Variants in COL6A5 observed in about 807,000 individuals in gnomAD.
COL6A5 encodes the protein collagen type VI alpha 5 chain, also known as collagen alpha-5(VI) chain.
In COL6A5, 48 loss-of-function variants were observed where a neutral mutation model predicts 65.6. The ratio of observed to expected loss-of-function variants is 0.73; its 90% CI spans 0.58 to 0.93. COL6A5 has a LOEUF of 0.93. Ranked by LOEUF, COL6A5 falls within the 40% of genes least tolerant of loss-of-function variation. COL6A5 has a pLI of 0.00. For missense variants in COL6A5, 914 were observed against 928.3 expected (o/e 0.98, Z 0.20); for synonymous variants, 291 against 322.8 (o/e 0.90, Z 1.05).
intron 1 of COL6A5, among the ~76,000 whole-genome samples, chr3:130,356,624 T>G (rs1301709197): frequency 1.3e-5 from 2 of 152,112 alleles, no homozygotes; most frequent in Admixed American, 1.3e-4. Context: ...ACAGACTACA[T>G]TCTCTAACCA....
At chr3:130,399,370 CTTTT>C (rs34407199) in intron 10 of COL6A5, among the ~76,000 whole-genome samples, 1 of 130,450 alleles carries the variant, frequency 7.7e-6, no homozygotes, top group Non-Finnish European at 1.6e-5. Flanking sequence ...TCATTTCTTT[CTTTT>C]TTTTTTTTTT....
chr3:130,406,338 C>T lies in COL6A5; in HGVS notation c.4479+17C>T. 4 of 1,534,414 alleles carry T rather than the reference C, an allele frequency of 2.6e-6. No homozygotes were observed. Among genetic ancestry groups the T allele is most frequent in the Non-Finnish European group, 1.8e-6 (2 of 1,131,880 alleles). On this transcript the variant is annotated intron_variant and NMD_transcript_variant, in intron 17 of 41. Transcript: ENST00000312481. ...GGATCTCAGGTAACACTTTTCTTTT[C>T]AATACTTCAAAGAAGGAGAATTTGG...
chr3:130,372,331 G>A (rs1421790810), intron 1 of COL6A5, among the ~76,000 whole-genome samples: 1 of 151,970 alleles, frequency 6.6e-6, no homozygotes, highest in Non-Finnish European at 1.5e-5. Context: ...CCAGATAAAT[G>A]AAAATATATA....
intron 7 of COL6A5, among the ~76,000 whole-genome samples, chr3:130,393,726 A>C (rs968502862): frequency 6.6e-6 from 1 of 152,230 alleles, no homozygotes; most frequent in Non-Finnish European, 1.5e-5. Context: ...CTCCAAACCT[A>C]GCAGAGAGCT....
chr3:130,424,986 G>C (rs1048250203), intron 29 of COL6A5, among the ~76,000 whole-genome samples: 2 of 152,030 alleles, frequency 1.3e-5, no homozygotes, highest in African/African-American at 4.8e-5. Flanking sequence ...TTATTTAAGG[G>C]CTCGCTCTTT....
At chr3:130,406,773 C>G (rs1176751218) in intron 17 of COL6A5, among the ~76,000 whole-genome samples, 1 of 152,092 alleles carries the variant, frequency 6.6e-6, no homozygotes, top group African/African-American at 2.4e-5. Flanking sequence ...TTTCAACACT[C>G]ATTAGTGTGT....
chr3:130,425,923 AG>A, intron 29 of COL6A5, among the ~76,000 whole-genome samples: 1 of 152,328 alleles, frequency 6.6e-6, no homozygotes, highest in Non-Finnish European at 1.5e-5. Flanking sequence ...CTTTAGTAAA[AG>A]TATCTTTAAG....
intron 1 of COL6A5, among the ~76,000 whole-genome samples, chr3:130,357,647 T>C (rs1645935052): frequency 6.6e-6 from 1 of 152,194 alleles, no homozygotes; most frequent in South Asian, 2.1e-4. Context: ...AGTCATTCAA[T>C]ATTAATAACT....
chr3:130,395,277 T>A, exon 8 of COL6A5: 1 of 1,551,646 alleles, frequency 6.4e-7, no homozygotes, highest in Non-Finnish European at 8.7e-7. Flanking sequence ...GCAGATGCAG[T>A]AAAAACCCTG....
chr3:130,392,570 TC>T (rs1478513293), intron 7 of COL6A5, among the ~76,000 whole-genome samples: 2 of 152,202 alleles, frequency 1.3e-5, no homozygotes, highest in African/African-American at 4.8e-5. Context: ...CTCTCAAATT[TC>T]CTTTCTTCTT....
chr3:130,391,576 A>T (rs1444930946), exon 7 of COL6A5: 1 of 1,551,718 alleles, frequency 6.4e-7, no homozygotes, highest in South Asian at 1.2e-5. Context: ...ATGACACAGC[A>T]TTGGAACTGA....
intron 1 of COL6A5, among the ~76,000 whole-genome samples, chr3:130,371,560 A>G (rs999596453): frequency 8.5e-5 from 13 of 152,168 alleles, no homozygotes; most frequent in African/African-American, 2.7e-4. Flanking sequence ...GTGTGAAGAC[A>G]ATTCAATGGT....
chr3:130,482,590 T>C (rs564192773), intron 7 of COL6A5, among the ~76,000 whole-genome samples: 2 of 152,310 alleles, frequency 1.3e-5, no homozygotes, highest in African/African-American at 2.4e-5. Context: ...AGAAAGTCAA[T>C]GGTAGCTTGA....
intron 5 of COL6A5, among the ~76,000 whole-genome samples, chr3:130,385,565 C>T (rs1936157777): frequency 6.6e-6 from 1 of 151,894 alleles, no homozygotes; most frequent in African/African-American, 2.4e-5. Context: ...AACAGTTGCC[C>T]CAAGGCCATC....
chr3:130,470,789 ACG>A (rs1709932406), intron 6 of COL6A5, 80 bp from the exon 39 acceptor site: 1 of 981,096 alleles, frequency 1.0e-6, no homozygotes, highest in Non-Finnish European at 1.6e-6. Flanking sequence ...ACTGCCAACC[ACG>A]TGAAAACATG....
At position 130,455,481 on chromosome 3, in the gene COL6A5, T is replaced by A. The variant is rs1709550016; in HGVS notation, c.1361T>A (p.Phe454Tyr). Residue 454 changes from phenylalanine (F) to tyrosine (Y), a missense_variant, in exon 5 of 8, where the codon TTT (phenylalanine) becomes TAT (tyrosine). Phe to Tyr is a conservative substitution (Grantham distance 22, BLOSUM62 3). Coordinates refer to ENST00000512836, the Ensembl canonical transcript of COL6A5. ...TTTGTTACTGAGCTACAAGAGGATT[T>A]TTTGGGAGGTAATGGCTTCATTGGC... The A allele has an allele frequency of 6.2e-7, 1 of 1,612,274 alleles. No individual in the cohort carries two copies.
At chr3:130,426,381 C>G (rs2107689466) in exon 31 of COL6A5, 1 of 1,551,224 alleles carries the variant, frequency 6.4e-7, no homozygotes, top group South Asian at 1.2e-5. Context: ...GTGATCTGAT[C>G]CGGTTTTTGC....
rs553857228 is a variant in COL6A5, at chr3:130,411,126, C to T, written c.4662+602C>T. Among the ~76,000 whole-genome samples, 128 of 152,318 alleles carry T rather than the reference C, an allele frequency of 8.4e-4. 1 individual carries two copies. The highest frequency in any genetic ancestry group is 1.3e-3 in the Non-Finnish European group (89 of 68,022). On this transcript the variant is annotated intron_variant and NMD_transcript_variant, in intron 20 of 41. Transcript: ENST00000312481. ...ACCTTGAGGTGCTGGCATAACTTTA[C>T]AGCATCCCACGTTATATCAAGCCTA...
At chr3:130,429,316 C>T (rs1446884793), upstream of COL6A5, among the ~76,000 whole-genome samples, 1 of 152,136 alleles carries the variant, frequency 6.6e-6, no homozygotes, top group East Asian at 1.9e-4. Flanking sequence ...ATCAGTGTTT[C>T]AGTTTCAACC....
Sources: gnomAD v4.1 joint callset for allele counts (sites outside exome capture counted in the v4.1 genomes callset) on GRCh38, gnomAD v4.1.1 for gene constraint, MANE v1.5 for transcripts, NCBI Gene and HGNC (gene_info 2026-07-23, HGNC 2026-07-21) for gene names.